The following FAM210A variants were observed in gnomAD, a reference collection of about 807,000 sequenced individuals.
FAM210A encodes family with sequence similarity 210 member A.
Under a neutral mutation model 25.3 loss-of-function variants are expected in FAM210A, and 13 were observed. That is an observed-to-expected ratio of 0.51 (90% CI 0.33 to 0.82). The LOEUF (loss-of-function observed/expected upper bound fraction) is 0.82. Among genes scored for constraint, FAM210A ranks in the 40% least tolerant of loss-of-function variants. The pLI, the probability that FAM210A is intolerant of heterozygous loss-of-function variation, is 0.02. For synonymous variants in FAM210A, 125 were observed against 118.7 expected (o/e 1.05, Z -0.35); for missense variants, 319 against 323.2 (o/e 0.99, Z 0.10).
At chr18:13,723,155 C>T (rs2043910526) in intron 1 of FAM210A, among the ~76,000 whole-genome samples, 1 of 152,140 alleles carries the variant, frequency 6.6e-6, no homozygotes, top group African/African-American at 2.4e-5. Context: ...TCTTTGTTGC[C>T]ATATCACACC....
rs906353447 is a variant in FAM210A at position 13,717,452 on chromosome 18, G to A, written c.-29+8877C>T. ...CCCACTGTGCCCAGCCCAAGTCTAAGTTTTGAACTTCACCACTGCACCGCT... is the reference window on the plus strand; with the variant it reads ...CCCACTGTGCCCAGCCCAAGTCTAAATTTTGAACTTCACCACTGCACCGCT... On this transcript the variant is annotated intron_variant, in intron 1 of 3. Transcript: ENST00000651643. Among the ~76,000 whole-genome samples, 9 of 123,998 alleles carry A rather than the reference G, an allele frequency of 7.3e-5. 1 individual carries two copies. Among genetic ancestry groups the A allele is most frequent in the Admixed American group, 2.8e-4 (3 of 10,806 alleles). The allele number at this position is 123,998 out of a possible 152,430, so 81.3% of individuals were successfully genotyped here. A position where few individuals can be genotyped will look rare whatever the true frequency, so the allele number is the denominator to read the frequency against.
chr18:13,678,974 C>T (rs1183535139), intron 2 of FAM210A, among the ~76,000 whole-genome samples: 2 of 152,230 alleles, frequency 1.3e-5, no homozygotes, highest in African/African-American at 4.8e-5. Context: ...CACTTCTGGA[C>T]ATAAGACACC....
intron 1 of FAM210A, among the ~76,000 whole-genome samples, chr18:13,719,187 A>C (rs2043881441): frequency 6.6e-6 from 1 of 152,136 alleles, no homozygotes; most frequent in Admixed American, 6.5e-5. Context: ...TGTTTATCTA[A>C]TTCCTCTAAT....
intron 2 of FAM210A, among the ~76,000 whole-genome samples, chr18:13,679,639 C>T (rs527465077): frequency 5.3e-5 from 8 of 152,232 alleles, no homozygotes; most frequent in East Asian, 1.9e-4. Context: ...CGTGGCGGGG[C>T]AGTAGTGGTG....
At chr18:13,677,447 G>T (rs1332792673) in intron 2 of FAM210A, among the ~76,000 whole-genome samples, 1 of 152,152 alleles carries the variant, frequency 6.6e-6, no homozygotes, top group Non-Finnish European at 1.5e-5. Flanking sequence ...GTAAGCAGGG[G>T]GTACGTGACT....
At chr18:13,679,943 G>T (rs960231518) in intron 2 of FAM210A, among the ~76,000 whole-genome samples, 2 of 152,090 alleles carry the variant, frequency 1.3e-5, no homozygotes, top group African/African-American at 4.8e-5. Flanking sequence ...ATAAGGAAAA[G>T]TAAAAGGAAC....
chr18:13,692,597 A>C (rs1025593648), intron 1 of FAM210A, among the ~76,000 whole-genome samples: 3 of 152,248 alleles, frequency 2.0e-5, no homozygotes, highest in African/African-American at 7.2e-5. Flanking sequence ...AGGATTAAGA[A>C]ACTCACTCAA....
chr18:13,700,416 C>G (rs375204679), intron 1 of FAM210A, among the ~76,000 whole-genome samples: 1 of 152,190 alleles, frequency 6.6e-6, no homozygotes, highest in Middle Eastern at 3.2e-3. Context: ...TAGACAGAAT[C>G]TCTGACACCG....
intron 1 of FAM210A, among the ~76,000 whole-genome samples, chr18:13,725,018 C>G (rs1049230450): frequency 6.6e-6 from 1 of 152,142 alleles, no homozygotes; most frequent in East Asian, 1.9e-4. Flanking sequence ...GTGATCCAAC[C>G]GCCTCGGCCT....
chr18:13,723,579 T>A (rs1353958952), intron 1 of FAM210A, among the ~76,000 whole-genome samples: 1 of 152,204 alleles, frequency 6.6e-6, no homozygotes, highest in African/African-American at 2.4e-5. Flanking sequence ...TTGGCTTTTT[T>A]AGCCTTCAAT....
chr18:13,666,400 T>C lies in FAM210A; in HGVS notation c.*80A>G. On this transcript the variant is annotated 3_prime_UTR_variant, in exon 4 of 4. Coordinates refer to ENST00000651643, the MANE Select transcript of FAM210A (RefSeq NM_152352.4). ...ATATTTCGGCAACTAACCAAAAAAA[T>C]AATCAGACACATGTATCTTTGCCCA... 8.6e-7 allele frequency: 1 copy of C among 1,167,192 alleles called. No homozygotes were observed. The highest frequency in any genetic ancestry group is 1.2e-6 in the Non-Finnish European group (1 of 822,774). 72.3% of individuals were successfully genotyped at this position (1,167,192 alleles called of 1,614,324 possible). A position where few individuals can be genotyped will look rare whatever the true frequency, so the allele number is the denominator to read the frequency against.
intron 1 of FAM210A, among the ~76,000 whole-genome samples, chr18:13,698,459 G>T (rs183037382): frequency 6.6e-6 from 1 of 150,988 alleles, no homozygotes; most frequent in East Asian, 1.9e-4. Flanking sequence ...CTAAAATCAA[G>T]AATTAATTCA....
At chr18:13,694,168 G>C (rs1430793141) in intron 1 of FAM210A, among the ~76,000 whole-genome samples, 4 of 152,152 alleles carry the variant, frequency 2.6e-5, no homozygotes, top group African/African-American at 9.7e-5. Context: ...CAACTTACAA[G>C]GGATGTGAAG....
intron 1 of FAM210A, among the ~76,000 whole-genome samples, chr18:13,690,137 C>G (rs1159342604): frequency 6.6e-6 from 1 of 152,246 alleles, no homozygotes; most frequent in Admixed American, 6.5e-5. Context: ...GTTGCACCCC[C>G]ACGGAGCCTC....
chr18:13,706,221 C>G (rs554313432), intron 1 of FAM210A, among the ~76,000 whole-genome samples: 1 of 152,084 alleles, frequency 6.6e-6, no homozygotes, highest in Non-Finnish European at 1.5e-5. Flanking sequence ...AATTTCTCCC[C>G]AGAAAAAGAT....
At position 13,681,971 on chromosome 18, in the gene FAM210A, A is replaced by G. The variant is rs1323383866; in HGVS notation, c.107T>C (p.Leu36Ser). Residue 36 changes from leucine (L) to serine (S), a missense_variant, in exon 2 of 4, where the codon TTA becomes TCA. Transcript: ENST00000651643. ...TTTGGATTCAGCATTGTATAAAAGT[A>G]AAGGTCCCTTTACATTTTGACAGTG... ...FGHCQNVKGP[L>S]LLYNAESKVV... The G allele has an allele frequency of 6.2e-7, 1 of 1,614,214 alleles. No individual in the cohort carries two copies. Among genetic ancestry groups the G allele is most frequent in the Admixed American group, 1.7e-5 (1 of 60,022 alleles).
In FAM210A at chr18:13,671,876, A is replaced by G; in HGVS notation, c.571T>C (p.Tyr191His). The change falls in exon 3 of 4, where the codon TAT (tyrosine) becomes CAT (histidine). Residue 191 changes from tyrosine to histidine, a missense_variant. Coordinates refer to ENST00000651643, the MANE Select transcript of FAM210A (RefSeq NM_152352.4). The part of the protein sequence containing the change: ...NSQSGNALTA[Y>H]ALFKIATPAR... ...ACAGTACCCACCTTAAACAAGGCAT[A>G]TGCTGTGAGGGCATTTCCACTCTGG... The G allele has an allele frequency of 6.2e-7, 1 of 1,611,838 alleles. No homozygotes were observed. The highest frequency in any genetic ancestry group is 8.5e-7 in the Non-Finnish European group (1 of 1,178,240).
At chr18:13,706,590 T>G (rs1437016210) in intron 1 of FAM210A, among the ~76,000 whole-genome samples, 1 of 152,222 alleles carries the variant, frequency 6.6e-6, no homozygotes, top group Non-Finnish European at 1.5e-5. Context: ...GCCTTCACTC[T>G]TCTAGAAGGG....
At chr18:13,725,781 T>C (rs1016370786) in intron 1 of FAM210A, among the ~76,000 whole-genome samples, 15 of 152,164 alleles carry the variant, frequency 9.9e-5, no homozygotes, top group Non-Finnish European at 2.9e-5. Context: ...AAAAAGTGTG[T>C]TGTCTCCCCC....
Sources: allele counts gnomAD v4.1 joint callset (sites outside exome capture counted in the v4.1 genomes callset), GRCh38; gene constraint gnomAD v4.1.1; transcripts MANE v1.5; gene names NCBI Gene and HGNC (gene_info 2026-07-23, HGNC 2026-07-21).